CNTNAP2: variants seen among roughly 807,000 people sequenced by gnomAD.
CNTNAP2 encodes the protein contactin associated protein 2.
In CNTNAP2, 98 loss-of-function variants were observed where a neutral mutation model predicts 155.2. The ratio of observed to expected loss-of-function variants is 0.63; its 90% confidence interval spans 0.54 to 0.75. The LOEUF is 0.75. CNTNAP2 is among the 30% of genes least tolerant of loss of function. The probability of loss-of-function intolerance (pLI) is 0.00; values close to 1 mark genes in which losing one functional copy is unlikely to be tolerated. For missense variants in CNTNAP2, 1,727 were observed against 1,688.1 expected, an observed-to-expected ratio of 1.02 and a Z score of -0.40; for synonymous variants, 651 against 631.2, an observed-to-expected ratio of 1.03 and a Z score of -0.47.
At chr7:146,151,110 A>C (rs1798030022) in intron 1 of CNTNAP2, among the ~76,000 whole-genome samples, 1 of 152,076 alleles carries the variant, frequency 6.6e-6, no homozygotes. Flanking sequence ...GAATTCATCC[A>C]CTATCATGAG....
At chr7:146,994,795 T>C (rs1269122400) in intron 3 of CNTNAP2, among the ~76,000 whole-genome samples, 1 of 152,150 alleles carries the variant, frequency 6.6e-6, no homozygotes, top group Non-Finnish European at 1.5e-5. Flanking sequence ...ATAACTTTTC[T>C]CATTGTGGAT....
chr7:146,152,608 C>T (rs1054681381), intron 1 of CNTNAP2, among the ~76,000 whole-genome samples: 4 of 152,048 alleles, frequency 2.6e-5, no homozygotes, highest in Non-Finnish European at 5.9e-5. Context: ...ATATTTAGAA[C>T]ATCATCTTGT....
chr7:146,552,260 A>T (rs1418141569), intron 1 of CNTNAP2, among the ~76,000 whole-genome samples: 2 of 152,174 alleles, frequency 1.3e-5, no homozygotes, highest in African/African-American at 4.8e-5. Flanking sequence ...TTCTTCTGAC[A>T]AATGAATCCT....
At chr7:146,135,899 A>G (rs10263587) in intron 1 of CNTNAP2, among the ~76,000 whole-genome samples, 45,990 of 151,986 alleles carry the variant, frequency 0.3, 8,159 homozygotes, top group African/African-American at 0.49. Flanking sequence ...AAATTCCATC[A>G]AAATCAAGCT....
chr7:146,255,398 G>C (rs573318512), intron 1 of CNTNAP2, among the ~76,000 whole-genome samples: 2 of 152,176 alleles, frequency 1.3e-5, no homozygotes, highest in Non-Finnish European at 2.9e-5. Context: ...AGAATTTTCC[G>C]TCAGTACCTC....
At chr7:146,121,069 TC>T (rs1797554051) in intron 1 of CNTNAP2, among the ~76,000 whole-genome samples, 1 of 151,414 alleles carries the variant, frequency 6.6e-6, no homozygotes, top group Non-Finnish European at 1.5e-5. Flanking sequence ...ATTAGTAAAT[TC>T]TTCTAGACAA....
rs761820697 is a variant in CNTNAP2, at chr7:147,043,993, T to G, written c.489T>G (p.Pro163=). ...PIIARYVRIV[P]LDWNGEGRIG... ...TTGCCCGCTATGTGCGCATAGTGCC[T>G]CTGGATTGGAATGGAGAAGGTCGCA... The change falls in exon 4 of 24, where the codon CCT becomes CCG. Residue 163 remains proline, a synonymous_variant. Coordinates refer to ENST00000361727, the MANE Select transcript of CNTNAP2 (RefSeq NM_014141.6). 2.5e-6 allele frequency: 4 copies of G among 1,614,194 alleles called. No individual in the cohort carries two copies. Among genetic ancestry groups the G allele is most frequent in the Non-Finnish European group, 1.7e-6 (2 of 1,180,016 alleles).
chr7:146,418,538 A>C (rs1334458580), intron 1 of CNTNAP2, among the ~76,000 whole-genome samples: 3 of 152,286 alleles, frequency 2.0e-5, no homozygotes, highest in African/African-American at 7.2e-5. Flanking sequence ...GAAAATACAA[A>C]GTTCTGCAAC....
At chr7:148,086,561 T>C (rs1248325364) in intron 15 of CNTNAP2, among the ~76,000 whole-genome samples, 1 of 152,238 alleles carries the variant, frequency 6.6e-6, no homozygotes, top group Admixed American at 6.5e-5. Flanking sequence ...TATTTTTAGA[T>C]TAAAATCAGT....
chr7:147,865,104 A>G (rs187967315), intron 13 of CNTNAP2, among the ~76,000 whole-genome samples: 1 of 152,318 alleles, frequency 6.6e-6, no homozygotes, highest in East Asian at 1.9e-4. Context: ...ACGTTCCATC[A>G]ATACCTAGCT....
At chr7:147,797,634 A>G (rs1261967447) in intron 13 of CNTNAP2, among the ~76,000 whole-genome samples, 1 of 152,146 alleles carries the variant, frequency 6.6e-6, no homozygotes, top group Non-Finnish European at 1.5e-5. Context: ...GGAGCTCTGG[A>G]TAGTATAATG....
chr7:146,666,514 A>T (rs1004969962), intron 1 of CNTNAP2, among the ~76,000 whole-genome samples: 2 of 152,142 alleles, frequency 1.3e-5, no homozygotes, highest in East Asian at 3.9e-4. Context: ...GGTAAATGCC[A>T]AGTAGTGGGA....
At chr7:146,192,519 AAG>A (rs1188294713) in intron 1 of CNTNAP2, among the ~76,000 whole-genome samples, 3 of 152,284 alleles carry the variant, frequency 2.0e-5, no homozygotes, top group Non-Finnish European at 4.4e-5. Context: ...GGTGGCAGGC[AAG>A]AGAGCATGTG....
chr7:148,408,477 G>A (rs1043817955), intron 22 of CNTNAP2, among the ~76,000 whole-genome samples: 1 of 152,186 alleles, frequency 6.6e-6, no homozygotes, highest in Non-Finnish European at 1.5e-5. Flanking sequence ...ATGTAGCAAT[G>A]TTCTCCCTGA....
chr7:146,170,599 T>C (rs1283369873), intron 1 of CNTNAP2, among the ~76,000 whole-genome samples: 1 of 152,146 alleles, frequency 6.6e-6, no homozygotes, highest in Non-Finnish European at 1.5e-5. Context: ...ATAGAAAATA[T>C]GAAAATATTA....
chr7:146,814,013 C>A (rs1803118227), intron 2 of CNTNAP2, among the ~76,000 whole-genome samples: 2 of 152,226 alleles, frequency 1.3e-5, no homozygotes, highest in Admixed American at 6.5e-5. Context: ...TTTCCTGGGT[C>A]CTCTCAGCCC....
chr7:147,775,178 G>C (rs778704565), intron 13 of CNTNAP2, among the ~76,000 whole-genome samples: 2 of 140,906 alleles, frequency 1.4e-5, no homozygotes, highest in Non-Finnish European at 3.0e-5. Context: ...TTTCACTACA[G>C]TTTTGTGTTT....
At chr7:147,104,411 A>G (rs914338727) in intron 4 of CNTNAP2, among the ~76,000 whole-genome samples, 6 of 151,964 alleles carry the variant, frequency 3.9e-5, no homozygotes, top group African/African-American at 1.4e-4. Context: ...CCATATGTGT[A>G]TCTATGTACA....
intron 21 of CNTNAP2, among the ~76,000 whole-genome samples, chr7:148,272,864 G>C (rs1353401052): frequency 6.6e-6 from 1 of 152,160 alleles, no homozygotes; most frequent in African/African-American, 2.4e-5. Flanking sequence ...GACCCGTAAA[G>C]GAAATGTCAG....
Sources: gnomAD v4.1 joint callset for allele counts (sites outside exome capture counted in the v4.1 genomes callset) on GRCh38, gnomAD v4.1.1 for gene constraint, MANE v1.5 for transcripts, NCBI Gene and HGNC (gene_info 2026-07-23, HGNC 2026-07-21) for gene names.